COLEC10: variants seen among roughly 807,000 people sequenced by gnomAD.
COLEC10 encodes collectin subfamily member 10, also known as collectin-10.
In COLEC10, 22 loss-of-function variants were observed where a neutral mutation model predicts 28.4. The observed-to-expected ratio is 0.78, with a 90% CI of 0.55 to 1.11. The LOEUF is 1.11. Ranked by LOEUF, COLEC10 falls within the 50% of genes least tolerant of loss-of-function variation. COLEC10 has a pLI of 0.00. For missense variants in COLEC10, 361 were observed against 344.1 expected (o/e 1.05, Z -0.39); for synonymous variants, 125 against 116.1 (o/e 1.08, Z -0.49).
At chr8:119,023,691 T>C (rs1008700599) in intron 2 of COLEC10, among the ~76,000 whole-genome samples, 4 of 152,198 alleles carry the variant, frequency 2.6e-5, no homozygotes, top group African/African-American at 7.2e-5. Flanking sequence ...GTTTCTGTTA[T>C]AGTTTTTAAT....
chr8:118,957,088 A>C, the COLEC10 span, among the ~76,000 whole-genome samples: 1 of 152,204 alleles, frequency 6.6e-6, no homozygotes, highest in Non-Finnish European at 1.5e-5. Flanking sequence ...CTTAACATTT[A>C]ATGAAGGGAT....
In COLEC10 at chr8:119,061,744, T is replaced by C. The variant is rs77665458; in HGVS notation, n.236-27936T>C. 2.4e-4 allele frequency among the ~76,000 whole-genome samples: 37 copies of C among 151,666 alleles called. No individual in the cohort carries two copies. The East Asian group carries it at 7.0e-3, about 29-fold the overall frequency. On this transcript the variant is annotated intron_variant and non_coding_transcript_variant, in intron 2 of 6. Transcript: ENST00000521788. ...AGACATACTATATTAAAATGAAGGA[T>C]GAAACCAAGAAAAAAAAAGACGCAG...
intron 1 of COLEC10, among the ~76,000 whole-genome samples, chr8:119,000,213 T>C (rs1286127886): frequency 6.6e-6 from 1 of 152,144 alleles, no homozygotes; most frequent in African/African-American, 2.4e-5. Flanking sequence ...CTTTCCTGAT[T>C]ATTTTTCTGG....
the COLEC10 span, among the ~76,000 whole-genome samples, chr8:118,956,568 A>C: frequency 6.6e-6 from 1 of 152,198 alleles, no homozygotes; most frequent in Non-Finnish European, 1.5e-5. Flanking sequence ...AGTCACTTCA[A>C]CTGGAGTTTC....
chr8:119,081,707 T>C (rs1815373528), intron 1 of COLEC10, among the ~76,000 whole-genome samples: 1 of 152,208 alleles, frequency 6.6e-6, no homozygotes, highest in Non-Finnish European at 1.5e-5. Flanking sequence ...ATGAGCCATT[T>C]ATCAGAATGT....
intron 4 of COLEC10, 35 bp downstream of exon 4, chr8:119,102,436 C>T: frequency 6.5e-7 from 1 of 1,540,034 alleles, no homozygotes; most frequent in Non-Finnish European, 8.9e-7. Flanking sequence ...TGATTTCTAG[C>T]ATGATTCCAA....
chr8:119,062,966 A>C (rs954440948), upstream of COLEC10: 1 of 152,222 alleles, frequency 6.6e-6, no homozygotes, highest in Admixed American at 6.5e-5. Context: ...TACTTATTTG[A>C]ATGGACAAAG....
intron 1 of COLEC10, among the ~76,000 whole-genome samples, chr8:119,069,733 C>T (rs980091434): frequency 3.5e-5 from 5 of 144,246 alleles, no homozygotes. Flanking sequence ...CAAAATAAGG[C>T]AGATATGTAT....
the COLEC10 span, among the ~76,000 whole-genome samples, chr8:118,967,166 G>A: frequency 6.6e-6 from 1 of 152,038 alleles, no homozygotes; most frequent in Non-Finnish European, 1.5e-5. Context: ...ACTTGGCTTG[G>A]CATGCCAAAT....
intron 1 of COLEC10, among the ~76,000 whole-genome samples, chr8:119,001,048 TCCAA>T (rs1337827616): frequency 1.3e-5 from 2 of 152,180 alleles, no homozygotes; most frequent in Non-Finnish European, 2.9e-5. Context: ...CTGCTCCTTC[TCCAA>T]CCTTTTCATA....
chr8:118,957,556 G>A, the COLEC10 span, among the ~76,000 whole-genome samples: 3 of 152,206 alleles, frequency 2.0e-5, no homozygotes, highest in Non-Finnish European at 4.4e-5. Context: ...AGTCCATGCA[G>A]TGTCTAGAGA....
chr8:118,971,193 A>G, the COLEC10 span, among the ~76,000 whole-genome samples: 1 of 151,906 alleles, frequency 6.6e-6, no homozygotes, highest in African/African-American at 2.4e-5. Flanking sequence ...AGGAGAAGAA[A>G]AAAACTGGGC....
the COLEC10 span, among the ~76,000 whole-genome samples, chr8:118,973,645 G>A: frequency 9.2e-5 from 14 of 152,048 alleles, no homozygotes; most frequent in Middle Eastern, 6.8e-3. Context: ...CATTTTATTG[G>A]TTATAAGCAA....
In COLEC10 at chr8:119,106,397, G is replaced by A. The variant is rs535589887; in HGVS notation, c.*206G>A. On this transcript the variant is annotated 3_prime_UTR_variant, in exon 6 of 6. Transcript: ENST00000332843. ...TGGTATATTATTGACCCAATAACTC[G>A]CCAGGTTACATGGGTCTTGAGAGAG... 7.0e-5 allele frequency: 36 copies of A among 515,960 alleles called. 1 individual carries two copies. Among genetic ancestry groups the A allele is most frequent in the South Asian group, 5.5e-4 (19 of 34,684 alleles). 32.0% of individuals were successfully genotyped at this position (515,960 alleles called of 1,614,324 possible).
chr8:118,984,343 G>GTCTACT, the COLEC10 span, among the ~76,000 whole-genome samples: 1 of 152,098 alleles, frequency 6.6e-6, no homozygotes, highest in African/African-American at 2.4e-5. Flanking sequence ...AGGGTACAGG[G>GTCTACT]TGGGAGAAGG....
intron 2 of COLEC10, among the ~76,000 whole-genome samples, chr8:119,030,576 A>G (rs1226286647): frequency 6.6e-6 from 1 of 152,194 alleles, no homozygotes; most frequent in East Asian, 1.9e-4. Context: ...CATCATGTGA[A>G]TATAAACAGG....
chr8:119,076,167 TC>T (rs71296908), intron 1 of COLEC10, among the ~76,000 whole-genome samples: 3,718 of 145,992 alleles, frequency 0.025, 62 homozygotes, highest in South Asian at 0.082. Context: ...TGCCTCGGCC[TC>T]CCAAAGTGCT....
At chr8:119,085,599 C>CT (rs66829005) in intron 1 of COLEC10, among the ~76,000 whole-genome samples, 657 of 63,526 alleles carry the variant, frequency 0.01, 23 homozygotes, top group South Asian at 0.059. Context: ...TCTTCTTCTT[C>CT]TTTTTTTTTT....
chr8:119,066,958 A>C (rs1220261204), upstream of COLEC10, among the ~76,000 whole-genome samples: 1 of 152,188 alleles, frequency 6.6e-6, no homozygotes, highest in Non-Finnish European at 1.5e-5. Context: ...ATAGCCTATT[A>C]AATTGTCAGC....
Sources: gnomAD v4.1 joint callset for allele counts (sites outside exome capture counted in the v4.1 genomes callset) on GRCh38, gnomAD v4.1.1 for gene constraint, MANE v1.5 for transcripts, NCBI Gene and HGNC (gene_info 2026-07-23, HGNC 2026-07-21) for gene names.